Variants in OSBPL5 observed in about 807,000 individuals in gnomAD.
The protein encoded by OSBPL5 is oxysterol binding protein like 5, also known as oxysterol-binding protein-related protein 5.
OSBPL5 carries 71 observed loss-of-function variants against 111.2 expected under a neutral mutation model. The ratio of observed to expected loss-of-function variants is 0.64; its 90% confidence interval spans 0.53 to 0.78. The LOEUF is 0.78. Ranked by LOEUF, OSBPL5 falls within the 30% of genes least tolerant of loss-of-function variation. The pLI, the probability that OSBPL5 is intolerant of heterozygous loss-of-function variation, is 0.00. For synonymous variants in OSBPL5, 549 were observed against 513.9 expected, an observed-to-expected ratio of 1.07 and a Z score of -0.93; for missense variants, 1,210 against 1,189.3, an observed-to-expected ratio of 1.02 and a Z score of -0.26.
intron 14 of OSBPL5, among the ~76,000 whole-genome samples, chr11:3,097,004 GA>G (rs71035480): frequency 3.0e-3 from 94 of 30,850 alleles, no homozygotes; most frequent in African/African-American, 9.2e-3. Flanking sequence ...GAAGAGGAAA[GA>G]GGGGGAAGAC....
At chr11:3,100,799 G>A (rs1269793179) in intron 13 of OSBPL5, among the ~76,000 whole-genome samples, 1 of 152,074 alleles carries the variant, frequency 6.6e-6, no homozygotes, top group Non-Finnish European at 1.5e-5. Flanking sequence ...CGGATGGGAC[G>A]AAATGTAAAC....
rs959581843 is a variant in OSBPL5, at chr11:3,109,633, G to A, written c.692-1688C>T. ...AGAGCTGCCCTTCTCATTGGGTTGGGGGGATATCTGGGATCCTGCTGGTTC... is the reference window on the plus strand; with the variant it reads ...AGAGCTGCCCTTCTCATTGGGTTGGAGGGATATCTGGGATCCTGCTGGTTC... On this transcript the variant is annotated intron_variant, in intron 7 of 21. Transcript: ENST00000263650. The surrounding 1 kb of genome is among the most constrained non-coding windows in gnomAD (Gnocchi z 7.4). Among the ~76,000 whole-genome samples the A allele has an allele frequency of 1.2e-4, 19 of 152,128 alleles. No homozygotes were observed. Among genetic ancestry groups the A allele is most frequent in the Admixed American group, 4.6e-4 (7 of 15,274 alleles).
intron 7 of OSBPL5, among the ~76,000 whole-genome samples, chr11:3,117,006 A>G (rs1858235741): frequency 6.6e-6 from 1 of 152,214 alleles, no homozygotes; most frequent in African/African-American, 2.4e-5. Context: ...CAAAATTTGG[A>G]GCATATTTGT....
At chr11:3,137,767 C>A (rs892355500) in intron 1 of OSBPL5, among the ~76,000 whole-genome samples, 1 of 152,208 alleles carries the variant, frequency 6.6e-6, no homozygotes, top group Non-Finnish European at 1.5e-5. Flanking sequence ...CATGGTCATG[C>A]CACTGCACTC....
intron 3 of OSBPL5, among the ~76,000 whole-genome samples, chr11:3,123,039 G>A (rs1047930468): frequency 2.0e-5 from 3 of 152,208 alleles, no homozygotes; most frequent in African/African-American, 7.2e-5. Flanking sequence ...ATGTACTGGT[G>A]GGGGGTGTGC....
chr11:3,100,971 CT>C (rs1196891233), intron 13 of OSBPL5, among the ~76,000 whole-genome samples: 1,703 of 123,414 alleles, frequency 0.014, 10 homozygotes, highest in Middle Eastern at 0.025. Flanking sequence ...AGTTTCATTT[CT>C]TTTTTTTTTT....
At position 3,104,285 on chromosome 11, in the gene OSBPL5, C is replaced by T; in HGVS notation, c.1152G>A (p.Leu384=). The change falls in exon 10 of 22, where the codon CTG becomes CTA. Residue 384 remains leucine (L), a synonymous_variant. Coordinates refer to ENST00000263650, the MANE Select transcript of OSBPL5 (RefSeq NM_020896.4). The surrounding 1 kb of genome is among the most constrained non-coding windows in gnomAD (Gnocchi z 5.0). ...CGAACGTGGGTAGCACCACGCGGGACAGGTCCATGCCTGGCCGTAGCTGCT... is the reference window on the plus strand; with the variant it reads ...CGAACGTGGGTAGCACCACGCGGGATAGGTCCATGCCTGGCCGTAGCTGCT... ...LLKQLRPGMD[L]SRVVLPTFVL... is the part of the protein sequence containing the mutation. 1 of 1,613,846 alleles carries T rather than the reference C, an allele frequency of 6.2e-7. No individual in the cohort carries two copies. Among genetic ancestry groups the T allele is most frequent in the Non-Finnish European group, 8.5e-7 (1 of 1,179,996 alleles).
chr11:3,121,935 T>A lies in OSBPL5; in HGVS notation c.402+62A>T. The A allele has an allele frequency of 6.9e-7, 1 of 1,445,958 alleles. No homozygotes were observed. The highest frequency in any genetic ancestry group is 1.2e-5 in the South Asian group (1 of 82,118). 89.6% of individuals were successfully genotyped at this position (1,445,958 alleles called of 1,614,324 possible). On this transcript the variant is annotated intron_variant, in intron 5 of 21. Transcript: ENST00000263650. This position sits in a 1 kb window ranked among gnomAD's most constrained non-coding sequence, Gnocchi z 4.3. ...TTTCAGGCCACCTGGTTTATGGTCC[T>A]TTGTTATGGCAGCAGCACGCTGACC...
In OSBPL5 at chr11:3,112,008, T is replaced by TGTGTATGTGC. The variant is rs1564837192; in HGVS notation, c.692-4064_692-4063insGCACATACAC. ...GCATGTGTGTGCATGTGTGTGTGTG[T>TGTGTATGTGC]GCGCGCATGTGTGTGCATGTGTGTG... On this transcript the variant is annotated intron_variant, in intron 7 of 21. Transcript: ENST00000263650. 3.6e-4 allele frequency among the ~76,000 whole-genome samples: 48 copies of TGTGTATGTGC among 134,566 alleles called. 1 individual carries two copies. Among genetic ancestry groups the TGTGTATGTGC allele is most frequent in the African/African-American group, 1.2e-3 (45 of 38,232 alleles). 88.3% of individuals were successfully genotyped at this position (134,566 alleles called of 152,430 possible).
chr11:3,099,121 A>G (rs1857373356), intron 14 of OSBPL5, among the ~76,000 whole-genome samples: 1 of 152,224 alleles, frequency 6.6e-6, no homozygotes, highest in East Asian at 1.9e-4. Context: ...CTTTAAGTGC[A>G]TATTGCCAAG....
At chr11:3,097,075 A>C (rs112089213) in intron 14 of OSBPL5, among the ~76,000 whole-genome samples, 1 of 3,000 alleles carries the variant, frequency 3.3e-4, no homozygotes, top group Non-Finnish European at 5.9e-4. Context: ...GGGAAGATGG[A>C]AGGAGGAGAA....
chr11:3,155,475 C>A (rs1411713967), intron 1 of OSBPL5, among the ~76,000 whole-genome samples: 2 of 145,014 alleles, frequency 1.4e-5, no homozygotes, highest in Admixed American at 1.4e-4. Context: ...CCACTCACTC[C>A]CCCCAGCTTT....
chr11:3,163,343 CA>C (rs1382066111), intron 1 of OSBPL5, among the ~76,000 whole-genome samples: 1 of 152,142 alleles, frequency 6.6e-6, no homozygotes, highest in Non-Finnish European at 1.5e-5. Context: ...CACCAGTCCC[CA>C]AAACACAGCT....
chr11:3,092,610 G>T lies in OSBPL5; in HGVS notation c.2133-52C>A. On this transcript the variant is annotated intron_variant, in intron 18 of 21. Coordinates refer to ENST00000263650, the MANE Select transcript of OSBPL5 (RefSeq NM_020896.4). The surrounding 1 kb of genome is among the most constrained non-coding windows in gnomAD (Gnocchi z 5.4). ...GCACAGGCAGTGGCCCTCAGGTGAG[G>T]GGGCTGTCCTGGCCCAGTCTTCAGC... The T allele has an allele frequency of 6.6e-7, 1 of 1,515,348 alleles. No individual in the cohort carries two copies. The allele number at this position is 1,515,348 out of a possible 1,614,324, so 93.9% of individuals were successfully genotyped here.
At chr11:3,125,875 G>A (rs1293801600) in intron 3 of OSBPL5, among the ~76,000 whole-genome samples, 8 of 151,922 alleles carry the variant, frequency 5.3e-5, no homozygotes, top group African/African-American at 1.2e-4. Context: ...CCAGCTCCTC[G>A]GGAGGCTGAG....
At chr11:3,139,799 C>G (rs546579450) in intron 1 of OSBPL5, among the ~76,000 whole-genome samples, 5 of 152,360 alleles carry the variant, frequency 3.3e-5, no homozygotes, top group African/African-American at 7.2e-5. Context: ...AGGCAGCCAG[C>G]CTTCCCTGCT....
At position 3,126,378 on chromosome 11, in the gene OSBPL5, C is replaced by T. The variant is rs1349658574; in HGVS notation, c.219+95G>A. 4 of 1,144,270 alleles carry T rather than the reference C, an allele frequency of 3.5e-6. No homozygotes were observed. Among genetic ancestry groups the T allele is most frequent in the East Asian group, 5.6e-5 (2 of 35,858 alleles). The allele number at this position is 1,144,270 out of a possible 1,614,324, so 70.9% of individuals were successfully genotyped here. On this transcript the variant is annotated intron_variant, in intron 3 of 21. Transcript: ENST00000263650. The surrounding 1 kb of genome is among the most constrained non-coding windows in gnomAD (Gnocchi z 6.5). Reference sequence around the variant, plus strand: ...CCCGAACAGGCTGGAATGGCAGGCTCAGCTGGACGCCCTGCTGTCCTTTTC... The same window carrying T: ...CCCGAACAGGCTGGAATGGCAGGCTTAGCTGGACGCCCTGCTGTCCTTTTC...
chr11:3,117,778 G>A (rs542410521), intron 7 of OSBPL5, among the ~76,000 whole-genome samples: 7 of 151,894 alleles, frequency 4.6e-5, no homozygotes, highest in South Asian at 4.2e-4. Context: ...ATTTGGAGTC[G>A]CTGAAGACTA....
At chr11:3,123,629 C>T (rs1238340826) in intron 3 of OSBPL5, among the ~76,000 whole-genome samples, 2 of 152,226 alleles carry the variant, frequency 1.3e-5, no homozygotes, top group Non-Finnish European at 2.9e-5. Flanking sequence ...CCAGCGGAGC[C>T]TCTAGGGCGA....
Sources: gnomAD v4.1 joint callset for allele counts (sites outside exome capture counted in the v4.1 genomes callset) on GRCh38, gnomAD v4.1.1 for gene constraint, Gnocchi (gnomAD v3.1) non-coding constraint, MANE v1.5 for transcripts, NCBI Gene and HGNC (gene_info 2026-07-23, HGNC 2026-07-21) for gene names.